PCDHAC2: variants seen among roughly 807,000 people sequenced by gnomAD.
PCDHAC2 encodes the protein protocadherin alpha-C2.
Under a neutral mutation model 63.3 loss-of-function variants are expected in PCDHAC2, and 24 were observed. The observed-to-expected ratio is 0.38, with a 90% confidence interval of 0.27 to 0.53. The LOEUF (loss-of-function observed/expected upper bound fraction) is 0.53. Among genes scored for constraint, PCDHAC2 ranks in the 20% least tolerant of loss-of-function variants. PCDHAC2 has a pLI of 0.81. For missense variants in PCDHAC2, 1,181 were observed against 1,275.2 expected (o/e 0.93, Z 1.12); for synonymous variants, 569 against 529.4 (o/e 1.07, Z -1.03).
intron 3 of PCDHAC2, among the ~76,000 whole-genome samples, chr5:141,001,942 TAAG>T (rs140166770): frequency 0.017 from 2,515 of 151,936 alleles, 63 homozygotes; most frequent in African/African-American, 0.058. Context: ...TGAGCGGAAA[TAAG>T]GAGGAGGGAG....
At chr5:140,986,668 A>C (rs927109652) in intron 3 of PCDHAC2, among the ~76,000 whole-genome samples, 15 of 152,192 alleles carry the variant, frequency 9.9e-5, no homozygotes, top group African/African-American at 3.6e-4. Context: ...CACAGTTTTC[A>C]GAAGAGTTCA....
intron 1 of PCDHAC2, among the ~76,000 whole-genome samples, chr5:140,974,081 C>T (rs1432185201): frequency 6.6e-6 from 1 of 152,196 alleles, no homozygotes; most frequent in African/African-American, 2.4e-5. Context: ...ATAACCATGA[C>T]TTCAAAAATC....
In PCDHAC2 at chr5:141,007,395, CAAAAAAAAA is replaced by C. The variant is rs35800918; in HGVS notation, c.2714-2217_2714-2209del. 1.6e-4 allele frequency among the ~76,000 whole-genome samples: 15 copies of C among 94,844 alleles called. No individual in the cohort carries two copies. The East Asian group carries it at 2.4e-3, about 15-fold the overall frequency. The allele number at this position is 94,844 out of a possible 152,430, so 62.2% of individuals were successfully genotyped here. A position where few individuals can be genotyped will look rare whatever the true frequency, so the allele number is the denominator to read the frequency against. On this transcript the variant is annotated intron_variant, in intron 3 of 3. Transcript: ENST00000289269. The stretch of plus-strand genomic sequence containing the variant: ...ATGGAACACCATCTCTACTAAAATA[CAAAAAAAAA>C]AAAAAAAAAAAAAATTAGCCAGGCA...
At chr5:141,003,676 C>T (rs2098133802) in intron 3 of PCDHAC2, among the ~76,000 whole-genome samples, 2 of 152,124 alleles carry the variant, frequency 1.3e-5, no homozygotes, top group East Asian at 1.9e-4. Context: ...ATATGTTGTT[C>T]TGATTTTAAA....
At chr5:140,999,977 C>T (rs1554257051) in intron 3 of PCDHAC2, among the ~76,000 whole-genome samples, 1 of 152,068 alleles carries the variant, frequency 6.6e-6, no homozygotes, top group Non-Finnish European at 1.5e-5. Flanking sequence ...GCAGCTCTAG[C>T]GGCCTCTGGG....
At chr5:140,976,637 A>G (rs781951504) in intron 1 of PCDHAC2, among the ~76,000 whole-genome samples, 16 of 152,226 alleles carry the variant, frequency 1.1e-4, no homozygotes, top group Non-Finnish European at 1.5e-4. Flanking sequence ...CAGCAATCAG[A>G]CAAGTAATTT....
In PCDHAC2 at chr5:140,967,251, C is replaced by T; in HGVS notation, c.485C>T (p.Ala162Val). ...CAGCTTCAGGTAAGCGAATCGGTGG[C>T]GCCTGGAGCGCGCTTTCACATAGAG... The part of the protein sequence containing the change: ...NYQLQVSESV[A>V]PGARFHIESA... Residue 162 changes from alanine (A) to valine (V), a missense_variant, in exon 1 of 4, where the codon GCG becomes GTG. Transcript: ENST00000289269. 1 of 1,613,408 alleles carries T rather than the reference C, an allele frequency of 6.2e-7. No individual in the cohort carries two copies. The highest frequency in any genetic ancestry group is 8.5e-7 in the Non-Finnish European group (1 of 1,179,832).
chr5:140,992,485 A>T (rs1234957114), intron 3 of PCDHAC2, among the ~76,000 whole-genome samples: 1 of 152,208 alleles, frequency 6.6e-6, no homozygotes, highest in Non-Finnish European at 1.5e-5. Flanking sequence ...CCCAGAGGCC[A>T]ATCTGTAAGG....
intron 1 of PCDHAC2, among the ~76,000 whole-genome samples, chr5:140,972,752 C>A (rs1332478312): frequency 1.3e-5 from 2 of 151,214 alleles, no homozygotes; most frequent in Non-Finnish European, 2.9e-5. Context: ...CAACCTCCGC[C>A]TCCCAAGTTA....
In PCDHAC2 at chr5:141,010,015, C is replaced by G; in HGVS notation, c.*78C>G. On this transcript the variant is annotated 3_prime_UTR_variant, in exon 4 of 4. Transcript: ENST00000289269. ...CTCTCCCATGTAGCAATTCCCTGCT[C>G]CTTTTTCCTATCTACATGAGCCCTC... is the stretch of plus-strand genomic sequence containing the variant. 6.4e-7 allele frequency: 1 copy of G among 1,572,182 alleles called. No homozygotes were observed. Among genetic ancestry groups the G allele is most frequent in the Non-Finnish European group, 8.6e-7 (1 of 1,163,250 alleles).
At chr5:140,972,660 A>ATTTTTTTTTTTTTTTTTTTTTTTTTT (rs11350929) in intron 1 of PCDHAC2, among the ~76,000 whole-genome samples, 1 of 117,268 alleles carries the variant, frequency 8.5e-6, no homozygotes, top group Non-Finnish European at 1.7e-5. Context: ...AAGAAACCAA[A>ATTTTTTTTTTTTTTTTTTTTTTTTTT]TTTTTTTTTT....
intron 3 of PCDHAC2, among the ~76,000 whole-genome samples, chr5:140,988,734 T>C (rs2097310672): frequency 1.3e-5 from 2 of 152,212 alleles, no homozygotes. Context: ...ATAGTAATTA[T>C]TCTAGGATTG....
At chr5:140,987,444 C>T (rs2097254283) in intron 3 of PCDHAC2, among the ~76,000 whole-genome samples, 2 of 151,998 alleles carry the variant, frequency 1.3e-5, no homozygotes, top group Admixed American at 6.6e-5. Flanking sequence ...TCCCCATGCC[C>T]GAGAGATAAT....
intron 3 of PCDHAC2, among the ~76,000 whole-genome samples, chr5:140,988,127 C>T (rs1285717954): frequency 2.0e-5 from 3 of 152,120 alleles, no homozygotes; most frequent in African/African-American, 7.2e-5. Flanking sequence ...GCATGCTGTT[C>T]CACTAACCTG....
Position 140,966,970 on chromosome 5 carries a change from G to A in PCDHAC2, c.204G>A (p.Glu68=), listed in dbSNP as rs1554228990. 1 of 1,602,870 alleles carries A rather than the reference G, an allele frequency of 6.2e-7. No homozygotes were observed. The highest frequency in any genetic ancestry group is 1.7e-5 in the Admixed American group (1 of 59,788). ...ACGTGGCTCGCGCGCTGGGGCTTGA[G>A]CTGCGGCGCTTGGGGCCGGGTTGCT... ...VGNVARALGL[E]LRRLGPGCLR... The change falls in exon 1 of 4, where the codon GAG becomes GAA. Residue 68 remains glutamate (E), a synonymous_variant. Coordinates refer to ENST00000289269, the MANE Select transcript of PCDHAC2 (RefSeq NM_018899.6).
chr5:140,988,528 T>C (rs1391489747), intron 3 of PCDHAC2, among the ~76,000 whole-genome samples: 1 of 152,194 alleles, frequency 6.6e-6, no homozygotes, highest in African/African-American at 2.4e-5. Flanking sequence ...CTCTGCTGGC[T>C]CCATCCATTC....
chr5:140,968,366 G>A lies in PCDHAC2; in HGVS notation c.1600G>A (p.Val534Ile), dbSNP rs145153557. The A allele has an allele frequency of 7.4e-6, 12 of 1,614,078 alleles. No individual in the cohort carries two copies. The highest frequency in any genetic ancestry group is 1.0e-5 in the Non-Finnish European group (12 of 1,180,032). ...CAGTGCCAGTGGCAGCCTTTATGCTGTCAACTCCTTTGACTATGAGAAGTT... is the reference window on the plus strand; with the variant it reads ...CAGTGCCAGTGGCAGCCTTTATGCTATCAACTCCTTTGACTATGAGAAGTT... Reference protein sequence around the residue: ...INSASGSLYAVNSFDYEKFRE... With the variant: ...INSASGSLYAINSFDYEKFRE... Residue 534 changes from valine (V) to isoleucine (I), a missense_variant, in exon 1 of 4, where the codon GTC (valine) becomes ATC (isoleucine). Coordinates refer to ENST00000289269, the MANE Select transcript of PCDHAC2 (RefSeq NM_018899.6).
At chr5:140,994,788 C>A (rs139745274) in intron 3 of PCDHAC2, among the ~76,000 whole-genome samples, 6 of 152,076 alleles carry the variant, frequency 3.9e-5, no homozygotes, top group Admixed American at 3.9e-4. Flanking sequence ...GGAAACAATG[C>A]GTGCATGCAA....
intron 3 of PCDHAC2, among the ~76,000 whole-genome samples, chr5:141,008,546 A>G (rs2098381708): frequency 6.6e-6 from 1 of 150,382 alleles, no homozygotes; most frequent in Non-Finnish European, 1.5e-5. Flanking sequence ...TTTATTGAAA[A>G]CTCCTGTGGA....
Sources: allele counts gnomAD v4.1 joint callset (sites outside exome capture counted in the v4.1 genomes callset), GRCh38; gene constraint gnomAD v4.1.1; transcripts MANE v1.5; gene names NCBI Gene and HGNC (gene_info 2026-07-23, HGNC 2026-07-21).